The following ZFP1 variants were observed in gnomAD, a reference collection of about 807,000 sequenced individuals.
ZFP1 encodes the protein zinc finger protein 1 homolog.
ZFP1 carries 32 observed loss-of-function variants against 38.5 expected under a neutral mutation model. The ratio of observed to expected loss-of-function variants is 0.83; its 90% CI spans 0.63 to 1.12. The LOEUF (loss-of-function observed/expected upper bound fraction) is 1.12. Ranked by LOEUF, ZFP1 falls within the 50% of genes most tolerant of loss-of-function variation. The pLI, the probability that ZFP1 is intolerant of heterozygous loss-of-function variation, is 0.00. For synonymous variants in ZFP1, 245 were observed against 168.8 expected, an observed-to-expected ratio of 1.45 and a Z score of -3.50; for missense variants, 616 against 480.8, an observed-to-expected ratio of 1.28 and a Z score of -2.63.
At chr16:75,135,910 G>A in the ZFP1 span, among the ~76,000 whole-genome samples, 2 of 152,172 alleles carry the variant, frequency 1.3e-5, no homozygotes, top group Non-Finnish European at 2.9e-5. Context: ...CACCTCTTGG[G>A]TTTCAGGCGA....
chr16:75,168,960 TTC>T lies in ZFP1; in HGVS notation c.143-291_143-290del, dbSNP rs372644331. Among the ~76,000 whole-genome samples the T allele has an allele frequency of 3.9e-4, 60 of 152,302 alleles. 1 individual carries two copies. Among genetic ancestry groups the T allele is most frequent in the African/African-American group, 1.4e-3 (58 of 41,572 alleles). On this transcript the variant is annotated intron_variant, in intron 3 of 3. Coordinates refer to ENST00000570010, the MANE Select transcript of ZFP1 (RefSeq NM_153688.4). ...GCATTGCCAGCCTTCTCATATTGTG[TTC>T]TGTTTTCTGTCTCCTTTCACCCTCT...
upstream of ZFP1, among the ~76,000 whole-genome samples, chr16:75,143,914 A>G (rs780192189): frequency 8.5e-5 from 13 of 152,126 alleles, no homozygotes; most frequent in Non-Finnish European, 8.8e-5. Flanking sequence ...TTGGCCTCCC[A>G]AAGTGCTGGG....
At chr16:75,139,819 G>C in the ZFP1 span, among the ~76,000 whole-genome samples, 4 of 152,284 alleles carry the variant, frequency 2.6e-5, no homozygotes, top group African/African-American at 9.6e-5. Context: ...GTGTTTCATG[G>C]GTAGAGTTTC....
the ZFP1 span, among the ~76,000 whole-genome samples, chr16:75,140,466 A>G: frequency 7.9e-5 from 12 of 152,310 alleles, 2 homozygotes; most frequent in East Asian, 3.9e-4. Context: ...TGACCTCCTT[A>G]GCAATGAACA....
At chr16:75,141,452 G>A in the ZFP1 span, among the ~76,000 whole-genome samples, 10 of 151,892 alleles carry the variant, frequency 6.6e-5, no homozygotes, top group Middle Eastern at 6.8e-3. Flanking sequence ...TGATCCGCCC[G>A]CCTCGGCCTC....
Position 75,169,376 on chromosome 16 carries a change from C to A in ZFP1, c.266C>A (p.Ala89Glu). 6.2e-7 allele frequency: 1 copy of A among 1,614,168 alleles called. No homozygotes were observed. Among genetic ancestry groups the A allele is most frequent in the Non-Finnish European group, 8.5e-7 (1 of 1,180,016 alleles). ...IEERGDLFGK[A>E]LNLNTDFVSL... is the part of the protein sequence containing the mutation. ...GAAAGAGGCGATCTCTTTGGAAAAG[C>A]ACTTAATCTGAACACAGACTTTGTT... Residue 89 changes from alanine (A) to glutamate (E), a missense_variant, in exon 4 of 4, where the codon GCA becomes GAA. Transcript: ENST00000570010.
the ZFP1 span, among the ~76,000 whole-genome samples, chr16:75,132,885 C>G: frequency 6.6e-6 from 1 of 151,532 alleles, no homozygotes; most frequent in African/African-American, 2.4e-5. Context: ...GTCTCAAACT[C>G]CTGACCTCAG....
At chr16:75,124,093 C>CA in the ZFP1 span, among the ~76,000 whole-genome samples, 7 of 150,656 alleles carry the variant, frequency 4.6e-5, no homozygotes, top group East Asian at 2.0e-4. Context: ...GACTCCATCT[C>CA]AAAAAAAGTA....
chr16:75,128,514 T>TTAGATTTGG, the ZFP1 span, among the ~76,000 whole-genome samples: 6 of 152,258 alleles, frequency 3.9e-5, no homozygotes, highest in African/African-American at 1.4e-4. Flanking sequence ...AAAACTATAG[T>TTAGATTTGG]AACACTCATT....
intron 2 of ZFP1, among the ~76,000 whole-genome samples, chr16:75,165,543 C>G (rs918587779): frequency 2.6e-5 from 4 of 151,964 alleles, no homozygotes; most frequent in African/African-American, 9.7e-5. Flanking sequence ...TACAGGCGCC[C>G]TCTACCACAC....
At chr16:75,152,546 C>T (rs138671061) in intron 1 of ZFP1, among the ~76,000 whole-genome samples, 1 of 152,312 alleles carries the variant, frequency 6.6e-6, no homozygotes, top group African/African-American at 2.4e-5. Flanking sequence ...TCCATCTCTG[C>T]TGAAATTCCC....
chr16:75,170,134 C>T lies in ZFP1; in HGVS notation c.1024C>T (p.His342Tyr). The change falls in exon 4 of 4, where the codon CAC becomes TAC. Residue 342 changes from histidine (H) to tyrosine (Y), a missense_variant. Physicochemically the swap from His to Tyr is moderately conservative, Grantham distance 83. Transcript: ENST00000570010. ...SFIQNSQLII[H>Y]MRTHTGEKPY... ...TATCCAGAACTCACAGCTCATCATA[C>T]ACATGAGAACTCATACAGGAGAGAA... 1 of 1,613,978 alleles carries T rather than the reference C, an allele frequency of 6.2e-7. No individual in the cohort carries two copies. Among genetic ancestry groups the T allele is most frequent in the South Asian group, 1.1e-5 (1 of 91,060 alleles).
the ZFP1 span, chr16:75,119,518 G>C: frequency 6.6e-6 from 1 of 152,242 alleles, no homozygotes; most frequent in South Asian, 2.1e-4. Context: ...CAACAGGGAA[G>C]ATGAGGGTTT....
chr16:75,139,098 G>A, the ZFP1 span, among the ~76,000 whole-genome samples: 36 of 152,022 alleles, frequency 2.4e-4, no homozygotes, highest in Admixed American at 2.4e-3. Flanking sequence ...GGCTGGGCGC[G>A]GCAGCTCACG....
At chr16:75,147,960 C>G (rs1001538139), upstream of ZFP1, among the ~76,000 whole-genome samples, 1 of 152,070 alleles carries the variant, frequency 6.6e-6, no homozygotes, top group Admixed American at 6.6e-5. Context: ...TGTTAATTAG[C>G]TTGATTATGG....
At chr16:75,130,111 C>G in the ZFP1 span, among the ~76,000 whole-genome samples, 3 of 152,266 alleles carry the variant, frequency 2.0e-5, no homozygotes, top group African/African-American at 4.8e-5. Flanking sequence ...ATTCTCCTGC[C>G]TCAGCCTCTC....
chr16:75,134,787 G>A, the ZFP1 span, among the ~76,000 whole-genome samples: 11 of 151,666 alleles, frequency 7.3e-5, no homozygotes, highest in Admixed American at 5.9e-4. Context: ...TCTGGGCGTG[G>A]TGGTTCATGC....
chr16:75,169,884 C>A lies in ZFP1; in HGVS notation c.774C>A (p.His258Gln). Reference sequence around the variant, plus strand: ...CCCACCAGTCAAACCTCATTGTACACCAGAGAGCACATATGGAGAAGAAGC... The same window carrying A: ...CCCACCAGTCAAACCTCATTGTACAACAGAGAGCACATATGGAGAAGAAGC... ...AFTHQSNLIV[H>Q]QRAHMEKKPY... Residue 258 changes from histidine (H) to glutamine (Q), a missense_variant, in exon 4 of 4, where the codon CAC (histidine) becomes CAA (glutamine). By Grantham distance (24) the His-to-Gln change is conservative. Coordinates refer to ENST00000570010, the MANE Select transcript of ZFP1 (RefSeq NM_153688.4). 6.2e-7 allele frequency: 1 copy of A among 1,614,158 alleles called. No homozygotes were observed. Among genetic ancestry groups the A allele is most frequent in the Non-Finnish European group, 8.5e-7 (1 of 1,180,026 alleles).
At position 75,162,603 on chromosome 16, in the gene ZFP1, G is replaced by A. The variant is rs78679263; in HGVS notation, c.16-4167G>A. On this transcript the variant is annotated intron_variant, in intron 2 of 3. Transcript: ENST00000570010. ...TATTTTTATGATGGTGACGTTTGGG[G>A]TATGATTGATCATGTCACCAAGTAG... 7.6e-4 allele frequency among the ~76,000 whole-genome samples: 116 copies of A among 152,216 alleles called. 3 individuals carry two copies. In the East Asian group the frequency reaches 0.019, roughly 25 times the overall value.
Sources: allele counts gnomAD v4.1 joint callset (sites outside exome capture counted in the v4.1 genomes callset), GRCh38; gene constraint gnomAD v4.1.1; transcripts MANE v1.5; gene names NCBI Gene and HGNC (gene_info 2026-07-23, HGNC 2026-07-21).